The following SNW1 variants were observed in gnomAD, a reference collection of about 807,000 sequenced individuals.
SNW1 encodes SNW domain-containing protein 1.
A neutral mutation model predicts 75.6 loss-of-function variants in SNW1; 9 were observed. The observed-to-expected ratio is 0.12, with a 90% CI of 0.07 to 0.21. The LOEUF is 0.21. Ranked by LOEUF, SNW1 falls within the 10% of genes least tolerant of loss-of-function variation. The pLI, the probability that SNW1 is intolerant of heterozygous loss-of-function variation, is 1.00. For synonymous variants in SNW1, 200 were observed against 219.1 expected, an observed-to-expected ratio of 0.91 and a Z score of 0.77; for missense variants, 409 against 670.9, an observed-to-expected ratio of 0.61 and a Z score of 4.31.
At chr14:77,725,140 G>A (rs1330678404) in intron 10 of SNW1, among the ~76,000 whole-genome samples, 1 of 152,166 alleles carries the variant, frequency 6.6e-6, no homozygotes, top group Non-Finnish European at 1.5e-5. Context: ...CCATAAGTAT[G>A]TCTTCTTTTG....
At chr14:77,723,348 T>A (rs1451785819) in intron 10 of SNW1, 71 bp from the exon 11 acceptor site, 1 of 1,155,154 alleles carries the variant, frequency 8.7e-7, no homozygotes, top group African/African-American at 1.5e-5. Context: ...CACGTGTGTA[T>A]ATATATAATT....
chr14:77,744,985 C>T (rs1409900859), intron 3 of SNW1, among the ~76,000 whole-genome samples: 5 of 152,142 alleles, frequency 3.3e-5, no homozygotes, highest in African/African-American at 1.2e-4. Flanking sequence ...TTGTGTTATA[C>T]AATGGAAACC....
rs141106300 is a variant in SNW1 at position 77,746,176 on chromosome 14, C to T, written c.330+5143G>A. Among the ~76,000 whole-genome samples, 255 of 152,326 alleles carry T rather than the reference C, an allele frequency of 1.7e-3. 1 individual carries two copies. The highest frequency in any genetic ancestry group is 5.8e-3 in the African/African-American group (243 of 41,568). On this transcript the variant is annotated intron_variant, in intron 3 of 13. Transcript: ENST00000261531. ...GAGTAAGGGGTCAAGCATGCCATAG[C>T]AGCTTAGTCCTTACCCTAAAGACCA...
chr14:77,733,894 AT>A, intron 8 of SNW1: 1 of 422,310 alleles, frequency 2.4e-6, no homozygotes, highest in Non-Finnish European at 4.7e-6. Flanking sequence ...GCTTAGCTTT[AT>A]TTTCCAGATA....
In SNW1 at chr14:77,742,124, C is replaced by T. The variant is rs1366982722; in HGVS notation, c.331-3063G>A. ...TCAGCTCATAGCAACCTCCGCCTCC[C>T]GGGTTAAAACCATTCTCCTGCCTCA... On this transcript the variant is annotated intron_variant, in intron 3 of 13. Coordinates refer to ENST00000261531, the MANE Select transcript of SNW1 (RefSeq NM_012245.3). Among the ~76,000 whole-genome samples the T allele has an allele frequency of 3.3e-5, 5 of 151,980 alleles. 1 individual carries two copies. Among genetic ancestry groups the T allele is most frequent in the Non-Finnish European group, 7.4e-5 (5 of 67,980 alleles).
At chr14:77,730,915 G>A in intron 10 of SNW1, 73 bp downstream of exon 10, 1 of 1,531,896 alleles carries the variant, frequency 6.5e-7, no homozygotes, top group Non-Finnish European at 8.8e-7. Flanking sequence ...TATGCAGTAG[G>A]AAAAAGATTT....
At position 77,734,931 on chromosome 14, in the gene SNW1, T is replaced by G; in HGVS notation, c.774+16A>C. ...GTAGGTTATACTAATAGAGACTGAT[T>G]TGACAACTTAATTACCTTTGCATTT... On this transcript the variant is annotated intron_variant, in intron 8 of 13. Coordinates refer to ENST00000261531, the MANE Select transcript of SNW1 (RefSeq NM_012245.3). 6.3e-7 allele frequency: 1 copy of G among 1,574,804 alleles called. No homozygotes were observed. Among genetic ancestry groups the G allele is most frequent in the Non-Finnish European group, 8.7e-7 (1 of 1,144,912 alleles).
intron 2 of SNW1, among the ~76,000 whole-genome samples, chr14:77,752,325 A>G (rs1384710555): frequency 6.6e-6 from 1 of 152,214 alleles, no homozygotes; most frequent in East Asian, 1.9e-4. Context: ...TTTAGGAGAG[A>G]GAACTGAGAC....
At chr14:77,722,972 G>A (rs560070741) in intron 11 of SNW1, 4 of 496,150 alleles carry the variant, frequency 8.1e-6, no homozygotes, top group South Asian at 6.0e-5. Flanking sequence ...AGCCTGCCAA[G>A]TAGCTGGGAC....
rs144765086 is a variant in SNW1, at chr14:77,727,996, G to A, written c.1033+2992C>T. ...GTTCTTTAAATGTTTGGAAAAATTC[G>A]GCAGTGAAGCTGTCAAATCCTGAGC... On this transcript the variant is annotated intron_variant, in intron 10 of 13. Coordinates refer to ENST00000261531, the MANE Select transcript of SNW1 (RefSeq NM_012245.3). 7.9e-5 allele frequency among the ~76,000 whole-genome samples: 12 copies of A among 151,508 alleles called. No homozygotes were observed. The East Asian group carries it at 1.7e-3, about 22-fold the overall frequency.
chr14:77,722,258 TTACTC>T (rs1167087630), intron 11 of SNW1, among the ~76,000 whole-genome samples: 3 of 152,200 alleles, frequency 2.0e-5, no homozygotes, highest in Non-Finnish European at 4.4e-5. Context: ...AATTCCTACT[TTACTC>T]TATGCCCTCA....
At chr14:77,726,940 T>G (rs1460070257) in intron 10 of SNW1, among the ~76,000 whole-genome samples, 1 of 152,236 alleles carries the variant, frequency 6.6e-6, no homozygotes, top group Non-Finnish European at 1.5e-5. Context: ...TATGTTGGTT[T>G]TGTATCTTGT....
chr14:77,760,575 A>G, intron 1 of SNW1: 1 of 686,374 alleles, frequency 1.5e-6, no homozygotes, highest in Non-Finnish European at 2.7e-6. Flanking sequence ...AATGCGGAGC[A>G]GTGGCGCATA....
chr14:77,748,172 G>A (rs1011821615), intron 3 of SNW1, among the ~76,000 whole-genome samples: 82 of 152,246 alleles, frequency 5.4e-4, no homozygotes, highest in African/African-American at 1.9e-3. Flanking sequence ...GATTAAGGGC[G>A]GTGCAAGATG....
At chr14:77,756,601 A>G (rs1304554586) in intron 1 of SNW1, among the ~76,000 whole-genome samples, 1 of 152,204 alleles carries the variant, frequency 6.6e-6, no homozygotes, top group African/African-American at 2.4e-5. Flanking sequence ...CTTAGAGGCC[A>G]GGCCAGCCAT....
At chr14:77,744,446 C>CAAAAAAAAAA (rs11335115) in intron 3 of SNW1, among the ~76,000 whole-genome samples, 29 of 82,928 alleles carry the variant, frequency 3.5e-4, no homozygotes, top group Non-Finnish European at 4.9e-4. Context: ...GTCTCCATCT[C>CAAAAAAAAAA]AAAAAAAAAA....
intron 8 of SNW1, chr14:77,733,874 T>G: frequency 5.0e-6 from 2 of 397,164 alleles, no homozygotes; most frequent in Non-Finnish European, 1.0e-5. Context: ...AATGTCTATG[T>G]AACTTTCAGG....
chr14:77,738,128 A>G (rs1429264682), intron 5 of SNW1, among the ~76,000 whole-genome samples: 1 of 151,694 alleles, frequency 6.6e-6, no homozygotes, highest in Non-Finnish European at 1.5e-5. Flanking sequence ...ACATGGTGAA[A>G]CCCTGTCTCT....
At chr14:77,739,357 T>C (rs189498009) in intron 3 of SNW1, among the ~76,000 whole-genome samples, 180 of 152,294 alleles carry the variant, frequency 1.2e-3, no homozygotes, top group African/African-American at 3.9e-3. Context: ...ATCACTATTT[T>C]TGAGGCCCAC....
Sources: gnomAD v4.1 joint callset for allele counts (sites outside exome capture counted in the v4.1 genomes callset) on GRCh38, gnomAD v4.1.1 for gene constraint, MANE v1.5 for transcripts, NCBI Gene and HGNC (gene_info 2026-07-23, HGNC 2026-07-21) for gene names.